Variants in TLK2 observed in about 807,000 individuals in gnomAD.
TLK2 encodes the protein serine/threonine-protein kinase tousled-like 2.
A neutral mutation model predicts 117.3 loss-of-function variants in TLK2; 6 were observed. The ratio of observed to expected loss-of-function variants is 0.05; its 90% CI spans 0.03 to 0.10. TLK2 has a LOEUF of 0.10. Among genes scored for constraint, TLK2 ranks in the 10% least tolerant of loss-of-function variants. TLK2 has a pLI of 1.00. For synonymous variants in TLK2, 257 were observed against 316.7 expected (o/e 0.81, Z 2.00); for missense variants, 299 against 901.2 (o/e 0.33, Z 8.56).
At chr17:62,475,311 A>C (rs2071017158), upstream of TLK2, among the ~76,000 whole-genome samples, 1 of 149,942 alleles carries the variant, frequency 6.7e-6, no homozygotes, top group African/African-American at 2.5e-5. Flanking sequence ...CAGATGCCCC[A>C]CCTGTTCTAC....
chr17:62,609,018 G>A (rs576076151), intron 21 of TLK2, among the ~76,000 whole-genome samples: 1 of 152,328 alleles, frequency 6.6e-6, no homozygotes, highest in South Asian at 2.1e-4. Context: ...GTGAGTGGTA[G>A]CCAGCCCCAT....
At chr17:62,587,293 G>A (rs2081693695) in intron 16 of TLK2, among the ~76,000 whole-genome samples, 1 of 152,124 alleles carries the variant, frequency 6.6e-6, no homozygotes, top group African/African-American at 2.4e-5. Flanking sequence ...GCTTAGTTTT[G>A]TTTCCTTGTT....
intron 21 of TLK2, among the ~76,000 whole-genome samples, chr17:62,608,710 A>G (rs778343103): frequency 4.6e-5 from 7 of 152,230 alleles, no homozygotes; most frequent in Non-Finnish European, 7.3e-5. Flanking sequence ...CCAGGACCCT[A>G]CCATGACACG....
intron 2 of TLK2, among the ~76,000 whole-genome samples, chr17:62,498,886 A>G (rs1053881031): frequency 9.2e-5 from 14 of 152,056 alleles, no homozygotes; most frequent in African/African-American, 3.4e-4. Flanking sequence ...TGTTTGAGAC[A>G]CAGTCTCTCT....
upstream of TLK2, among the ~76,000 whole-genome samples, chr17:62,478,300 C>T (rs1463357218): frequency 5.9e-5 from 9 of 151,646 alleles, no homozygotes; most frequent in Admixed American, 1.3e-4. Flanking sequence ...CACTTCTCAC[C>T]CAAACTCGCG....
intron 2 of TLK2, among the ~76,000 whole-genome samples, chr17:62,492,618 G>C (rs1000149610): frequency 1.3e-5 from 2 of 151,742 alleles, no homozygotes; most frequent in Non-Finnish European, 2.9e-5. Context: ...CCACCTCGCC[G>C]GGCTAATTTT....
At chr17:62,601,220 A>C (rs2082851315) in intron 18 of TLK2, among the ~76,000 whole-genome samples, 1 of 152,206 alleles carries the variant, frequency 6.6e-6, no homozygotes, top group African/African-American at 2.4e-5. Flanking sequence ...CATTTCAATA[A>C]ATTTCAAGCA....
intron 2 of TLK2, among the ~76,000 whole-genome samples, chr17:62,485,973 A>C (rs2144526910): frequency 6.6e-6 from 1 of 150,918 alleles, no homozygotes; most frequent in African/African-American, 2.4e-5. Flanking sequence ...GGTGCCTGCC[A>C]CCACGCACAG....
chr17:62,503,226 A>AT (rs2074367914), intron 2 of TLK2, among the ~76,000 whole-genome samples: 1 of 151,370 alleles, frequency 6.6e-6, no homozygotes, highest in African/African-American at 2.4e-5. Context: ...TGCTTGGCTA[A>AT]TTTTTGTATT....
intron 7 of TLK2, chr17:62,549,737 C>G (rs1237703256): frequency 1.3e-5 from 2 of 151,996 alleles, no homozygotes; most frequent in African/African-American, 4.8e-5. Context: ...CAACCTCCAC[C>G]TCCCGGGCTC....
At chr17:62,576,838 G>A (rs901537984) in intron 13 of TLK2, 63 bp downstream of exon 13, 25 of 1,357,166 alleles carry the variant, frequency 1.8e-5, no homozygotes, top group Non-Finnish European at 2.3e-5. Flanking sequence ...TGGGGTTGAA[G>A]CTATTTGGTC....
chr17:62,482,895 G>A (rs1233564663), intron 2 of TLK2, among the ~76,000 whole-genome samples: 4 of 152,198 alleles, frequency 2.6e-5, no homozygotes, highest in Non-Finnish European at 5.9e-5. Context: ...GATGAGATCT[G>A]TATTAGAGCT....
chr17:62,510,457 A>AAG (rs775268106), intron 2 of TLK2, among the ~76,000 whole-genome samples: 1 of 152,228 alleles, frequency 6.6e-6, no homozygotes, highest in South Asian at 2.1e-4. Flanking sequence ...TCTGTAAGTG[A>AAG]GTAATAAGAG....
chr17:62,561,702 T>A (rs1413079190), intron 10 of TLK2, among the ~76,000 whole-genome samples: 1 of 152,224 alleles, frequency 6.6e-6, no homozygotes, highest in Non-Finnish European at 1.5e-5. Context: ...TGGGGGAAAT[T>A]TTGTTTCATT....
At chr17:62,542,776 A>G (rs1567884384) in intron 7 of TLK2, among the ~76,000 whole-genome samples, 1 of 152,302 alleles carries the variant, frequency 6.6e-6, no homozygotes, top group East Asian at 1.9e-4. Context: ...TGTTTCCTTA[A>G]AACTTGTGTC....
At chr17:62,577,704 A>G (rs1166873334) in intron 13 of TLK2, among the ~76,000 whole-genome samples, 2 of 152,140 alleles carry the variant, frequency 1.3e-5, no homozygotes, top group African/African-American at 2.4e-5. Flanking sequence ...TTTATTTCAC[A>G]TATTAGTTTT....
At chr17:62,540,423 T>TTTTTTTTTTTTTTTTTTA (rs2077447509) in intron 7 of TLK2, among the ~76,000 whole-genome samples, 1 of 129,982 alleles carries the variant, frequency 7.7e-6, no homozygotes, top group Non-Finnish European at 1.6e-5. Context: ...TTTTTTTTTT[T>TTTTTTTTTTTTTTTTTTA]GAGACAGAGT....
intron 2 of TLK2, among the ~76,000 whole-genome samples, chr17:62,484,795 G>A (rs2072140792): frequency 6.6e-6 from 1 of 151,954 alleles, no homozygotes; most frequent in Admixed American, 6.6e-5. Flanking sequence ...GGTGGCTCAC[G>A]CCTGTAATCC....
At chr17:62,569,004 T>G (rs2080041178) in intron 11 of TLK2, among the ~76,000 whole-genome samples, 1 of 133,162 alleles carries the variant, frequency 7.5e-6, no homozygotes, top group Non-Finnish European at 1.6e-5. Context: ...CCTGGGAATC[T>G]TTAAAAATCT....
Sources: gnomAD v4.1 joint callset for allele counts (sites outside exome capture counted in the v4.1 genomes callset) on GRCh38, gnomAD v4.1.1 for gene constraint, MANE v1.5 for transcripts, NCBI Gene and HGNC (gene_info 2026-07-23, HGNC 2026-07-21) for gene names.